The following FNIP1 variants were observed in gnomAD, a reference collection of about 807,000 sequenced individuals.
FNIP1 encodes the protein folliculin-interacting protein 1.
In FNIP1, 40 loss-of-function variants were observed where a neutral mutation model predicts 124.5. The ratio of observed to expected loss-of-function variants is 0.32; its 90% confidence interval spans 0.25 to 0.42. The LOEUF (loss-of-function observed/expected upper bound fraction) is 0.42, where lower values mean the gene tolerates loss of function less well. Ranked by LOEUF, FNIP1 falls within the 10% of genes least tolerant of loss-of-function variation. The pLI is 1.00. For synonymous variants in FNIP1, 472 were observed against 470.6 expected (o/e 1.00, Z -0.04); for missense variants, 1,176 against 1,403.7 (o/e 0.84, Z 2.59).
Position 131,704,348 on chromosome 5 carries a change from T to C in FNIP1, c.915-82A>G, listed in dbSNP as rs1197047721. 4 of 1,168,896 alleles carry C rather than the reference T, an allele frequency of 3.4e-6. No individual in the cohort carries two copies. In the East Asian group the frequency reaches 1.0e-4, roughly 30 times the overall value. The allele number at this position is 1,168,896 out of a possible 1,614,324, so 72.4% of individuals were successfully genotyped here. Reference sequence around the variant, plus strand: ...AATCTTCTTGCTAATTAAATGTAGGTAAGCTAAGTCTTTTGCTGTTTTATC... The same window carrying C: ...AATCTTCTTGCTAATTAAATGTAGGCAAGCTAAGTCTTTTGCTGTTTTATC... On this transcript the variant is annotated intron_variant, in intron 9 of 17. Coordinates refer to ENST00000510461, the MANE Select transcript of FNIP1 (RefSeq NM_133372.3).
At chr5:131,716,458 A>C (rs764093983) in intron 6 of FNIP1, 107 bp downstream of exon 6, 49 of 648,222 alleles carry the variant, frequency 7.6e-5, no homozygotes, top group Non-Finnish European at 1.0e-4. Flanking sequence ...CAGTATTTGA[A>C]ATTCTTTGTT....
intron 10 of FNIP1, 111 bp from the exon 11 acceptor site, chr5:131,699,113 C>T (rs769398241): frequency 4.5e-6 from 3 of 666,666 alleles, no homozygotes; most frequent in Non-Finnish European, 7.0e-6. Context: ...TATCAAAATT[C>T]TTATCGAGAA....
chr5:131,740,102 C>G (rs2149557415), intron 2 of FNIP1, among the ~76,000 whole-genome samples: 1 of 152,240 alleles, frequency 6.6e-6, no homozygotes, highest in South Asian at 2.1e-4. Context: ...ATATGTTTAG[C>G]CTTTCCATTT....
At chr5:131,758,700 A>G (rs191492809) in intron 1 of FNIP1, among the ~76,000 whole-genome samples, 15 of 152,314 alleles carry the variant, frequency 9.8e-5, no homozygotes, top group Non-Finnish European at 1.8e-4. Flanking sequence ...ACACCTTCAA[A>G]GAATGCTAAT....
intron 11 of FNIP1, among the ~76,000 whole-genome samples, chr5:131,687,089 T>C (rs1251016724): frequency 1.3e-5 from 2 of 150,084 alleles, no homozygotes; most frequent in Non-Finnish European, 3.0e-5. Context: ...TCAATTTAGG[T>C]TGTGGTTTGT....
At chr5:131,739,943 T>G (rs938489721) in intron 2 of FNIP1, among the ~76,000 whole-genome samples, 7 of 152,258 alleles carry the variant, frequency 4.6e-5, no homozygotes, top group South Asian at 2.1e-4. Flanking sequence ...ATTGCTAATT[T>G]TTTTCCATTT....
At chr5:131,691,796 T>G (rs1314654990) in intron 11 of FNIP1, among the ~76,000 whole-genome samples, 4 of 152,304 alleles carry the variant, frequency 2.6e-5, no homozygotes, top group Middle Eastern at 6.8e-3. Flanking sequence ...GAATAGCCTA[T>G]GTCTACTTAA....
rs1295797415 is a variant in FNIP1, at chr5:131,644,739, A to T, written c.3447T>A (p.Leu1149=). 6.2e-7 allele frequency: 1 copy of T among 1,614,022 alleles called. No homozygotes were observed. Among genetic ancestry groups the T allele is most frequent in the Non-Finnish European group, 8.5e-7 (1 of 1,179,950 alleles). Residue 1149 remains leucine (L), a synonymous_variant, in exon 18 of 18, where the codon CTT becomes CTA. Coordinates refer to ENST00000510461, the MANE Select transcript of FNIP1 (RefSeq NM_133372.3). Reference sequence around the variant, plus strand: ...AGTGAGTGCTTGCTACAGCAGCCAGAAGTGGAAGATCACTGGATTCAATCC... The same window carrying T: ...AGTGAGTGCTTGCTACAGCAGCCAGTAGTGGAAGATCACTGGATTCAATCC... ...VLGIESSDLP[L]LAAVASTHSP...
intron 1 of FNIP1, among the ~76,000 whole-genome samples, chr5:131,753,148 A>G (rs1443779102): frequency 6.6e-6 from 1 of 152,172 alleles, no homozygotes; most frequent in Non-Finnish European, 1.5e-5. Context: ...GACACGACTA[A>G]TAACACCAGT....
At chr5:131,739,577 G>C (rs528142016) in intron 2 of FNIP1, among the ~76,000 whole-genome samples, 1 of 152,060 alleles carries the variant, frequency 6.6e-6, no homozygotes, top group African/African-American at 2.4e-5. Context: ...ACTTTGGGAG[G>C]CCGAGGTGGG....
At chr5:131,723,601 C>T (rs897820131) in intron 3 of FNIP1, among the ~76,000 whole-genome samples, 9 of 152,020 alleles carry the variant, frequency 5.9e-5, no homozygotes, top group African/African-American at 2.2e-4. Context: ...TTTTAAAATG[C>T]CTTATTTAAA....
At chr5:131,705,327 T>C (rs1298828916) in intron 9 of FNIP1, among the ~76,000 whole-genome samples, 1 of 150,858 alleles carries the variant, frequency 6.6e-6, no homozygotes, top group Non-Finnish European at 1.5e-5. Flanking sequence ...AAAAAAAAAT[T>C]AGCCAGGTGT....
intron 1 of FNIP1, among the ~76,000 whole-genome samples, chr5:131,763,528 GA>G (rs763319607): frequency 1.3e-5 from 2 of 152,140 alleles, no homozygotes; most frequent in Non-Finnish European, 2.9e-5. Flanking sequence ...TATTTGTGGA[GA>G]AAGGCGAAGA....
intron 3 of FNIP1, among the ~76,000 whole-genome samples, chr5:131,722,034 T>G (rs187814738): frequency 6.6e-6 from 1 of 152,274 alleles, no homozygotes; most frequent in East Asian, 1.9e-4. Flanking sequence ...ATGAAAAAAA[T>G]TTCATTTCAC....
chr5:131,771,923 C>T (rs899330041), intron 1 of FNIP1, among the ~76,000 whole-genome samples: 2 of 152,164 alleles, frequency 1.3e-5, no homozygotes, highest in African/African-American at 4.8e-5. Context: ...TCCCTAGTAC[C>T]ATTATCTCAT....
intron 1 of FNIP1, among the ~76,000 whole-genome samples, chr5:131,777,219 A>T (rs946293645): frequency 1.3e-5 from 2 of 152,106 alleles, no homozygotes. Context: ...ATATTTTAAA[A>T]ATTAAAACAA....
chr5:131,664,016 C>T (rs912230253), intron 15 of FNIP1, among the ~76,000 whole-genome samples: 8 of 152,136 alleles, frequency 5.3e-5, no homozygotes, highest in Non-Finnish European at 8.8e-5. Context: ...TGGGACAAAA[C>T]TGAAGGTTTA....
chr5:131,672,900 G>A lies in FNIP1; in HGVS notation c.1544C>T (p.Ser515Phe), dbSNP rs758475238. Residue 515 changes from serine (S) to phenylalanine (F), a missense_variant, in exon 14 of 18, where the codon TCT becomes TTT. Around this residue, in one of 2 missense-constraint regions of FNIP1, gnomAD observed 1,109 missense variants for 1,288.5 expected, o/e 0.86. Transcript: ENST00000510461. ...QLGDLYGAIG[S>F]PVRLARTVVV... ...CACAGTCCTTGCTAACCGTACGGGA[G>A]AGCCAATAGCGCCATACAAGTCTCC... 2 of 1,567,316 alleles carry A rather than the reference G, an allele frequency of 1.3e-6. No individual in the cohort carries two copies. Among genetic ancestry groups the A allele is most frequent in the South Asian group, 1.2e-5 (1 of 83,408 alleles).
intron 11 of FNIP1, 69 bp from the exon 12 acceptor site, chr5:131,679,244 GT>G: frequency 1.1e-6 from 1 of 929,092 alleles, no homozygotes; most frequent in Non-Finnish European, 1.7e-6. Context: ...ATAATTTTAA[GT>G]TTATATTGCC....
Sources: allele counts gnomAD v4.1 joint callset (sites outside exome capture counted in the v4.1 genomes callset), GRCh38; gene constraint gnomAD v4.1.1; regional missense constraint gnomAD v4.1.1; transcripts MANE v1.5; gene names NCBI Gene and HGNC (gene_info 2026-07-23, HGNC 2026-07-21).